PKHD1: variants seen among roughly 807,000 people sequenced by gnomAD.
The protein encoded by PKHD1 is fibrocystin.
A neutral mutation model predicts 412.0 loss-of-function variants in PKHD1; 291 were observed. The ratio of observed to expected loss-of-function variants is 0.71; its 90% confidence interval spans 0.64 to 0.78. The LOEUF (loss-of-function observed/expected upper bound fraction) is 0.78, where lower values mean the gene tolerates loss of function less well. Ranked by LOEUF, PKHD1 falls within the 30% of genes least tolerant of loss-of-function variation. PKHD1 has a pLI of 0.00. For missense variants in PKHD1, 4,825 were observed against 4,950.7 expected (o/e 0.97, Z 0.76); for synonymous variants, 1,777 against 1,821.5 (o/e 0.98, Z 0.62).
chr6:51,889,793 C>G (rs188144330), intron 43 of PKHD1, among the ~76,000 whole-genome samples: 42 of 152,244 alleles, frequency 2.8e-4, no homozygotes, highest in African/African-American at 1.0e-3. Flanking sequence ...TCCTAGGAGA[C>G]ATTCAAAGAG....
chr6:51,886,332 G>A (rs1778212296), intron 44 of PKHD1, among the ~76,000 whole-genome samples: 1 of 152,140 alleles, frequency 6.6e-6, no homozygotes, highest in African/African-American at 2.4e-5. Flanking sequence ...CCATCGAACT[G>A]TTATGATCTA....
chr6:52,084,352 C>T (rs764199215), intron 2 of PKHD1, among the ~76,000 whole-genome samples: 14 of 152,158 alleles, frequency 9.2e-5, no homozygotes, highest in Admixed American at 2.0e-4. Flanking sequence ...TGATTAGATA[C>T]TTCTATCTAA....
intron 36 of PKHD1, among the ~76,000 whole-genome samples, chr6:51,940,487 A>T (rs1252277986): frequency 6.6e-6 from 1 of 151,664 alleles, no homozygotes; most frequent in Non-Finnish European, 1.5e-5. Context: ...TGGGCCAAGG[A>T]ATGCCCACAG....
intron 55 of PKHD1, among the ~76,000 whole-genome samples, chr6:51,766,588 T>C (rs1343218469): frequency 6.9e-6 from 1 of 144,522 alleles, no homozygotes; most frequent in African/African-American, 2.5e-5. Context: ...ATTCAAACCC[T>C]TTCACAAATA....
At chr6:51,696,089 A>C (rs1208608170) in intron 60 of PKHD1, among the ~76,000 whole-genome samples, 2 of 152,228 alleles carry the variant, frequency 1.3e-5, no homozygotes, top group African/African-American at 4.8e-5. Context: ...GCTAGCACTC[A>C]GTTTGCATTT....
Position 51,897,733 on chromosome 6 carries a change from GTCAAGACCCA to G in PKHD1, c.6996+5854_6996+5863del, listed in dbSNP as rs1162621927. 3.5e-5 allele frequency among the ~76,000 whole-genome samples: 5 copies of G among 144,878 alleles called. No homozygotes were observed. In the East Asian group the frequency reaches 1.0e-3, roughly 30 times the overall value. ...CACAGACTGGCAAATTGGATAAAGA[GTCAAGACCCA>G]TCAGTGTGCTGTATTCAGGAAACCC... On this transcript the variant is annotated intron_variant, in intron 43 of 66. Coordinates refer to ENST00000371117, the MANE Select transcript of PKHD1 (RefSeq NM_138694.4).
At chr6:52,066,619 A>G (rs1582068564) in intron 11 of PKHD1, among the ~76,000 whole-genome samples, 1 of 152,268 alleles carries the variant, frequency 6.6e-6, no homozygotes, top group Non-Finnish European at 1.5e-5. Flanking sequence ...AAAATTGCCT[A>G]CAGTGACTCA....
chr6:52,053,337 G>A (rs1008483210), intron 20 of PKHD1, 86 bp from the exon 21 acceptor site: 11 of 1,374,510 alleles, frequency 8.0e-6, no homozygotes, highest in South Asian at 3.7e-5. Context: ...AACCTGGGGG[G>A]CCTGTGAGCT....
chr6:51,721,348 T>C, intron 60 of PKHD1: 1 of 556,352 alleles, frequency 1.8e-6, no homozygotes, highest in Non-Finnish European at 2.3e-6. Flanking sequence ...TATTAGTATA[T>C]TATTGATAAT....
intron 35 of PKHD1, among the ~76,000 whole-genome samples, chr6:51,969,469 G>C (rs1256303641): frequency 6.6e-6 from 1 of 152,170 alleles, no homozygotes; most frequent in African/African-American, 2.4e-5. Flanking sequence ...AGATTGCATA[G>C]TGGTAAAGTC....
At chr6:51,829,725 T>A (rs918454955) in intron 52 of PKHD1, among the ~76,000 whole-genome samples, 2 of 152,152 alleles carry the variant, frequency 1.3e-5, no homozygotes, top group Non-Finnish European at 2.9e-5. Flanking sequence ...GGCCAGTATA[T>A]CTTCTTTCAT....
intron 47 of PKHD1, 108 bp downstream of exon 47, chr6:51,870,396 T>C: frequency 1.0e-6 from 1 of 979,660 alleles, no homozygotes. Context: ...ACTGATGCAA[T>C]CTTATAACTG....
At chr6:51,883,378 C>T in intron 45 of PKHD1, 151 bp from the exon 46 acceptor site, 1 of 706,904 alleles carries the variant, frequency 1.4e-6, no homozygotes, top group Non-Finnish European at 2.5e-6. Context: ...TAGGCATCCT[C>T]AAGTTGCTGT....
intron 53 of PKHD1, among the ~76,000 whole-genome samples, chr6:51,790,350 G>A (rs1793553541): frequency 1.3e-5 from 2 of 152,050 alleles, no homozygotes; most frequent in South Asian, 2.1e-4. Context: ...TAACATTTCA[G>A]GTTTTTTTAT....
At chr6:51,954,397 C>G (rs752857977) in intron 36 of PKHD1, among the ~76,000 whole-genome samples, 10 of 152,016 alleles carry the variant, frequency 6.6e-5, no homozygotes, top group Non-Finnish European at 1.5e-4. Context: ...AGTAGTGGAG[C>G]CCAGATTCAG....
chr6:51,664,168 A>G (rs1444331615), intron 60 of PKHD1, among the ~76,000 whole-genome samples: 1 of 152,138 alleles, frequency 6.6e-6, no homozygotes, highest in Non-Finnish European at 1.5e-5. Flanking sequence ...TTATTTTTAC[A>G]TATTCCACCC....
At chr6:51,918,104 C>A (rs902741653) in intron 37 of PKHD1, among the ~76,000 whole-genome samples, 6 of 151,758 alleles carry the variant, frequency 4.0e-5, no homozygotes, top group East Asian at 1.9e-4. Context: ...GAGGACTGGG[C>A]AAAATAATGC....
At chr6:51,949,294 G>T (rs1208377491) in intron 36 of PKHD1, among the ~76,000 whole-genome samples, 1 of 152,124 alleles carries the variant, frequency 6.6e-6, no homozygotes, top group Non-Finnish European at 1.5e-5. Context: ...GGAAGCCTGT[G>T]GAATTCCCTT....
intron 60 of PKHD1, among the ~76,000 whole-genome samples, chr6:51,726,788 AAGACTAAGGTC>A: frequency 6.6e-6 from 1 of 152,186 alleles, no homozygotes; most frequent in Non-Finnish European, 1.5e-5. Flanking sequence ...TATTTCAACT[AAGACTAAGGTC>A]TTACAAATAA....
Sources: allele counts gnomAD v4.1 joint callset (sites outside exome capture counted in the v4.1 genomes callset), GRCh38; gene constraint gnomAD v4.1.1; transcripts MANE v1.5; gene names NCBI Gene and HGNC (gene_info 2026-07-23, HGNC 2026-07-21).